RNF135: variants seen among roughly 807,000 people sequenced by gnomAD.
The protein encoded by RNF135 is ring finger protein 135, also known as E3 ubiquitin-protein ligase RNF135.
Under a neutral mutation model 41.9 loss-of-function variants are expected in RNF135, and 46 were observed. The observed-to-expected ratio is 1.10, with a 90% confidence interval of 0.87 to 1.40. The LOEUF is 1.40. Ranked by LOEUF, RNF135 falls within the 40% of genes most tolerant of loss-of-function variation. RNF135 has a pLI of 0.00. For synonymous variants in RNF135, 238 were observed against 223.8 expected, an observed-to-expected ratio of 1.06 and a Z score of -0.57; for missense variants, 539 against 549.8, an observed-to-expected ratio of 0.98 and a Z score of 0.20.
intron 2 of RNF135, among the ~76,000 whole-genome samples, chr17:30,986,940 G>T (rs1462066283): frequency 6.6e-6 from 1 of 152,158 alleles, no homozygotes. Flanking sequence ...AGGTTGTTAT[G>T]CAAATGAGAG....
At chr17:30,988,162 C>G in intron 3 of RNF135, 56 bp downstream of exon 3, 5 of 1,529,336 alleles carry the variant, frequency 3.3e-6, no homozygotes, top group Non-Finnish European at 4.5e-6. Context: ...GGGGGAGTAG[C>G]AGAGTGCTCT....
At chr17:30,960,046 G>A in the RNF135 span, among the ~76,000 whole-genome samples, 7 of 151,158 alleles carry the variant, frequency 4.6e-5, no homozygotes, top group Admixed American at 6.6e-5. Flanking sequence ...TTGTATTAGC[G>A]TTCTCCAGAG....
rs1405410601 is a variant in RNF135 at position 30,980,526 on chromosome 17, C to A, written c.373-4091C>A. 2.6e-4 allele frequency among the ~76,000 whole-genome samples: 35 copies of A among 136,714 alleles called. 1 individual carries two copies. Among genetic ancestry groups the A allele is most frequent in the African/African-American group, 9.1e-4 (33 of 36,150 alleles). The allele number at this position is 136,714 out of a possible 152,430, so 89.7% of individuals were successfully genotyped here. ...TGACCCCCCCCACCTCCCTCCCGGACGGGGTGGCTGCCGGGCGGAGACGCT... is the reference window on the plus strand; with the variant it reads ...TGACCCCCCCCACCTCCCTCCCGGAAGGGGTGGCTGCCGGGCGGAGACGCT... On this transcript the variant is annotated intron_variant, in intron 1 of 4. Coordinates refer to ENST00000328381, the MANE Select transcript of RNF135 (RefSeq NM_032322.4).
chr17:30,970,845 G>C, upstream of RNF135: 3 of 618,174 alleles, frequency 4.9e-6, no homozygotes. Context: ...GGTTTCCCAG[G>C]GCAAGAGGCC....
At chr17:30,982,755 A>G (rs1466597513) in intron 1 of RNF135, among the ~76,000 whole-genome samples, 3 of 152,182 alleles carry the variant, frequency 2.0e-5, no homozygotes, top group African/African-American at 4.8e-5. Flanking sequence ...ATTTTTAAGT[A>G]TACAGTTTGG....
At chr17:30,960,978 A>C in the RNF135 span, among the ~76,000 whole-genome samples, 54 of 152,046 alleles carry the variant, frequency 3.6e-4, no homozygotes, top group Admixed American at 2.6e-4. Flanking sequence ...CAACCTCGTG[A>C]TCCACCTGCC....
Position 30,971,215 on chromosome 17 carries a change from C to T in RNF135, c.142C>T (p.Leu48=), listed in dbSNP as rs1018031359. 1.3e-6 allele frequency: 2 copies of T among 1,514,268 alleles called. No homozygotes were observed. The highest frequency in any genetic ancestry group is 1.8e-6 in the Non-Finnish European group (2 of 1,138,378). 93.8% of individuals were successfully genotyped at this position (1,514,268 alleles called of 1,614,324 possible). A position where few individuals can be genotyped will look rare whatever the true frequency, so the allele number is the denominator to read the frequency against. The part of the protein sequence containing the change: ...HSFCRHCLEA[L]WGARDARRWA... ...CTTCTGCCGCCACTGCCTGGAGGCC[C>T]TGTGGGGCGCCCGCGACGCCCGCCG... Residue 48 remains leucine, a synonymous_variant, in exon 1 of 5, where the codon CTG becomes TTG. Coordinates refer to ENST00000328381, the MANE Select transcript of RNF135 (RefSeq NM_032322.4).
intron 3 of RNF135, among the ~76,000 whole-genome samples, chr17:30,988,559 C>G (rs1326962430): frequency 3.4e-5 from 5 of 148,824 alleles, no homozygotes; most frequent in African/African-American, 5.0e-5. Flanking sequence ...TCCCCAGTAG[C>G]TGGGACTACA....
rs1441316926 is a variant in RNF135, at chr17:30,998,962, T to G, written c.1070T>G (p.Leu357Arg). 1 of 1,614,086 alleles carries G rather than the reference T, an allele frequency of 6.2e-7. No individual in the cohort carries two copies. The change falls in exon 5 of 5, where the codon CTC becomes CGC. Residue 357 changes from leucine (L) to arginine (R), a missense_variant. Transcript: ENST00000328381. Reference sequence around the variant, plus strand: ...GTGGAATGGAAGGGGACTAGCCAGCTCTCTGCATGGCACATGGTCAAGGAA... The same window carrying G: ...GTGGAATGGAAGGGGACTAGCCAGCGCTCTGCATGGCACATGGTCAAGGAA... ...CCVEWKGTSQ[L>R]SAWHMVKETV...
chr17:30,988,417 T>TG (rs1491392510), intron 3 of RNF135, among the ~76,000 whole-genome samples: 123 of 73,584 alleles, frequency 1.7e-3, no homozygotes, highest in African/African-American at 6.7e-3. Context: ...CCACTTTTAA[T>TG]TTTTTTTTTT....
At chr17:30,966,066 C>G (rs1905537426), upstream of RNF135, among the ~76,000 whole-genome samples, 1 of 152,240 alleles carries the variant, frequency 6.6e-6, no homozygotes, top group Non-Finnish European at 1.5e-5. Context: ...ATTCAGGCCC[C>G]TCCCATAAAC....
chr17:30,975,736 T>C (rs989138676), intron 1 of RNF135: 1 of 1,339,422 alleles, frequency 7.5e-7, no homozygotes, highest in East Asian at 2.3e-5. Flanking sequence ...CTCACCTGAT[T>C]GGCCTGGTGT....
intron 1 of RNF135, among the ~76,000 whole-genome samples, chr17:30,974,687 TA>T (rs907127914): frequency 1.4e-4 from 21 of 150,736 alleles, no homozygotes; most frequent in Non-Finnish European, 2.8e-4. Context: ...TTATTATTAT[TA>T]TTTTTTTTTG....
At chr17:30,973,400 C>T (rs955774007) in intron 1 of RNF135, 2 of 151,336 alleles carry the variant, frequency 1.3e-5, no homozygotes, top group African/African-American at 2.4e-5. Context: ...GCTTGTGCTT[C>T]TGTTGTCATA....
At position 30,971,423 on chromosome 17, in the gene RNF135, G is replaced by C; in HGVS notation, c.350G>C (p.Arg117Pro). The change falls in exon 1 of 5, where the codon CGG (arginine) becomes CCG (proline). Residue 117 changes from arginine (R) to proline (P), a missense_variant. Transcript: ENST00000328381. ...SSLSSAAARP[R>P]RRPELQRVAV... ...CTCTCCAGCGCGGCCGCGAGGCCCC[G>C]GCGCCGCCCGGAACTGCAGCGGGTA... is the stretch of plus-strand genomic sequence containing the variant. The C allele has an allele frequency of 6.6e-7, 1 of 1,515,232 alleles. No individual in the cohort carries two copies. The highest frequency in any genetic ancestry group is 8.8e-7 in the Non-Finnish European group (1 of 1,139,018). The allele number at this position is 1,515,232 out of a possible 1,614,324, so 93.9% of individuals were successfully genotyped here.
upstream of RNF135, among the ~76,000 whole-genome samples, chr17:30,969,544 G>A (rs998282325): frequency 6.6e-6 from 1 of 152,124 alleles, no homozygotes; most frequent in Admixed American, 6.6e-5. Flanking sequence ...GGCAGAAAGG[G>A]ATACAATGGC....
chr17:30,991,957 A>G (rs1908018609), intron 3 of RNF135, among the ~76,000 whole-genome samples: 1 of 147,322 alleles, frequency 6.8e-6, no homozygotes, highest in South Asian at 2.1e-4. Flanking sequence ...TTTGAGAAGC[A>G]GTTTCGTTCT....
chr17:30,968,617 T>C (rs934542554), upstream of RNF135, among the ~76,000 whole-genome samples: 5 of 151,910 alleles, frequency 3.3e-5, no homozygotes, highest in African/African-American at 1.2e-4. Flanking sequence ...CTCAATCTCC[T>C]GACCTCATGA....
chr17:30,960,417 A>G, the RNF135 span, among the ~76,000 whole-genome samples: 4 of 151,744 alleles, frequency 2.6e-5, no homozygotes, highest in African/African-American at 9.7e-5. Context: ...AAAGAAAAAA[A>G]AAAAAGCCAG....
Sources: allele counts gnomAD v4.1 joint callset (sites outside exome capture counted in the v4.1 genomes callset), GRCh38; gene constraint gnomAD v4.1.1; transcripts MANE v1.5; gene names NCBI Gene and HGNC (gene_info 2026-07-23, HGNC 2026-07-21).